The following CCDC85C variants were observed in gnomAD, a reference collection of about 807,000 sequenced individuals.
CCDC85C encodes the protein coiled-coil domain-containing protein 85C.
Under a neutral mutation model 38.3 loss-of-function variants are expected in CCDC85C, and 18 were observed. The observed-to-expected ratio is 0.47, with a 90% confidence interval of 0.33 to 0.70. CCDC85C has a LOEUF of 0.70. CCDC85C is among the 30% of genes least tolerant of loss of function. The probability of loss-of-function intolerance (pLI) is 0.03; values close to 1 mark genes in which losing one functional copy is unlikely to be tolerated. For missense variants in CCDC85C, 566 were observed against 621.2 expected (o/e 0.91, Z 0.94); for synonymous variants, 264 against 293.8 (o/e 0.90, Z 1.04).
rs1381949843 is a variant in CCDC85C at position 99,503,447 on chromosome 14, G to A, written c.*11799C>T. On this transcript the variant is annotated 3_prime_UTR_variant, in exon 6 of 6. Transcript: ENST00000380243. ...GGAAGGGAGCAGAAATGATGATCTGGTAGGTGCCGTGGTTTGCCCTGAAAG... is the reference window on the plus strand; with the variant it reads ...GGAAGGGAGCAGAAATGATGATCTGATAGGTGCCGTGGTTTGCCCTGAAAG... The A allele has an allele frequency of 9.7e-6, 6 of 620,810 alleles. No individual in the cohort carries two copies. Among genetic ancestry groups the A allele is most frequent in the African/African-American group, 1.8e-5 (1 of 54,142 alleles). The allele number at this position is 620,810 out of a possible 1,614,324, so 38.5% of individuals were successfully genotyped here. A position where few individuals can be genotyped will look rare whatever the true frequency, so the allele number is the denominator to read the frequency against.
intron 5 of CCDC85C, among the ~76,000 whole-genome samples, chr14:99,515,820 G>T (rs1331841312): frequency 2.6e-5 from 4 of 152,076 alleles, no homozygotes; most frequent in Non-Finnish European, 4.4e-5. Flanking sequence ...TGCCCAGCCA[G>T]CAGCCACAGG....
chr14:99,532,237 A>C (rs955007656), intron 2 of CCDC85C, among the ~76,000 whole-genome samples: 2 of 152,246 alleles, frequency 1.3e-5, no homozygotes, highest in Non-Finnish European at 2.9e-5. Flanking sequence ...ACCTGTGGGT[A>C]GTCAGGGAGG....
rs978378898 is a variant in CCDC85C at position 99,507,716 on chromosome 14, G to C, written c.*7530C>G. 1 of 154,366 alleles carries C rather than the reference G, an allele frequency of 6.5e-6. No homozygotes were observed. The highest frequency in any genetic ancestry group is 1.4e-5 in the Non-Finnish European group (1 of 69,448). 9.6% of individuals were successfully genotyped at this position (154,366 alleles called of 1,614,324 possible). A position where few individuals can be genotyped will look rare whatever the true frequency, so the allele number is the denominator to read the frequency against. On this transcript the variant is annotated 3_prime_UTR_variant, in exon 6 of 6. Transcript: ENST00000380243. ...AAGCCAAACCCCGCCTTCTGAGATA[G>C]AGGCAGGGTTACTGTGGCTACTAGG...
rs150462439 is a variant in CCDC85C, at chr14:99,547,842, G to A, written c.794-11754C>T. On this transcript the variant is annotated intron_variant, in intron 1 of 5. Transcript: ENST00000380243. ...TATATTTATGGGTATATGTGTGTGT[G>A]TATATACACATATATATATACACAC... is the stretch of plus-strand genomic sequence containing the variant. 5.9e-3 allele frequency among the ~76,000 whole-genome samples: 893 copies of A among 151,184 alleles called. 9 individuals carry two copies. The highest frequency in any genetic ancestry group is 0.021 in the African/African-American group (852 of 41,134).
chr14:99,510,653 G>T lies in CCDC85C; in HGVS notation c.*4593C>A. 7.2e-7 allele frequency: 1 copy of T among 1,393,370 alleles called. No individual in the cohort carries two copies. The highest frequency in any genetic ancestry group is 9.3e-7 in the Non-Finnish European group (1 of 1,073,078). The allele number at this position is 1,393,370 out of a possible 1,614,324, so 86.3% of individuals were successfully genotyped here. Reference sequence around the variant, plus strand: ...TCCCCCCTCATCCTCCTCCAGGGTTGGGCCTGCCGCCAGCCAGCTACCCAC... The same window carrying T: ...TCCCCCCTCATCCTCCTCCAGGGTTTGGCCTGCCGCCAGCCAGCTACCCAC... On this transcript the variant is annotated 3_prime_UTR_variant, in exon 6 of 6. Coordinates refer to ENST00000380243, the MANE Select transcript of CCDC85C (RefSeq NM_001144995.2).
chr14:99,600,306 A>G (rs187200517), intron 1 of CCDC85C, among the ~76,000 whole-genome samples: 6 of 152,340 alleles, frequency 3.9e-5, no homozygotes, highest in Admixed American at 2.0e-4. Context: ...CTTACAGAAG[A>G]GGAGCACAGA....
intron 1 of CCDC85C, among the ~76,000 whole-genome samples, chr14:99,551,123 T>A (rs1227536172): frequency 6.6e-6 from 1 of 152,176 alleles, no homozygotes; most frequent in East Asian, 1.9e-4. Context: ...TGTGACATAA[T>A]GACAAACCAA....
rs769865196 is a variant in CCDC85C, at chr14:99,572,490, C to T, written c.793+30677G>A. ...TAAATGATCAGGTATCACACCTCCGCCAGGCTTTAGATAAAATCCCAACCC... is the reference window on the plus strand; with the variant it reads ...TAAATGATCAGGTATCACACCTCCGTCAGGCTTTAGATAAAATCCCAACCC... On this transcript the variant is annotated intron_variant, in intron 1 of 5. Transcript: ENST00000380243. The surrounding 1 kb of genome is among the most constrained non-coding windows in gnomAD (Gnocchi z 4.4). Among the ~76,000 whole-genome samples, 2 of 152,054 alleles carry T rather than the reference C, an allele frequency of 1.3e-5. No homozygotes were observed. Among genetic ancestry groups the T allele is most frequent in the Non-Finnish European group, 2.9e-5 (2 of 68,006 alleles).
chr14:99,593,192 G>T (rs1595107776), intron 1 of CCDC85C, among the ~76,000 whole-genome samples: 2 of 152,348 alleles, frequency 1.3e-5, no homozygotes, highest in South Asian at 2.1e-4. Context: ...GGGCGGGGGA[G>T]CACCGCGCTC....
intron 1 of CCDC85C, among the ~76,000 whole-genome samples, chr14:99,584,773 C>A (rs923299616): frequency 2.0e-5 from 3 of 152,308 alleles, no homozygotes; most frequent in African/African-American, 7.2e-5. Context: ...GCCCACAGAG[C>A]GGGGGAAAAA....
intron 1 of CCDC85C, among the ~76,000 whole-genome samples, chr14:99,565,711 C>T (rs1898203205): frequency 1.3e-5 from 2 of 152,302 alleles, no homozygotes; most frequent in Middle Eastern, 3.4e-3. Context: ...GCCCCCACCC[C>T]ACCTGCCTAA....
rs1002355041 is a variant in CCDC85C at position 99,501,615 on chromosome 14, G to C, written c.*13631C>G. The C allele has an allele frequency of 7.4e-6, 4 of 539,794 alleles. No homozygotes were observed. Among genetic ancestry groups the C allele is most frequent in the Admixed American group, 3.5e-5 (1 of 28,318 alleles). 33.4% of individuals were successfully genotyped at this position (539,794 alleles called of 1,614,324 possible). A position where few individuals can be genotyped will look rare whatever the true frequency, so the allele number is the denominator to read the frequency against. Reference sequence around the variant, plus strand: ...GTTTCCTTCTGCCCTGCCGTGTCATGGTGTTGTGAGGTGCTGAAATTTTAT... The same window carrying C: ...GTTTCCTTCTGCCCTGCCGTGTCATCGTGTTGTGAGGTGCTGAAATTTTAT... On this transcript the variant is annotated 3_prime_UTR_variant, in exon 6 of 6. Coordinates refer to ENST00000380243, the MANE Select transcript of CCDC85C (RefSeq NM_001144995.2).
At chr14:99,559,290 G>C (rs557998187) in intron 1 of CCDC85C, among the ~76,000 whole-genome samples, 3 of 152,110 alleles carry the variant, frequency 2.0e-5, no homozygotes, top group African/African-American at 4.8e-5. Context: ...AAAAATGTGA[G>C]AGAACAAATT....
Position 99,603,052 on chromosome 14 carries a change from G to A in CCDC85C, c.793+115C>T. 8.2e-7 allele frequency: 1 copy of A among 1,220,434 alleles called. No individual in the cohort carries two copies. 75.6% of individuals were successfully genotyped at this position (1,220,434 alleles called of 1,614,324 possible). A position where few individuals can be genotyped will look rare whatever the true frequency, so the allele number is the denominator to read the frequency against. ...CCCAGGATCCATGACAGCTGGAGGA[G>A]TCTGGAGTGGCGGCCGCATGAGTGG... On this transcript the variant is annotated intron_variant, in intron 1 of 5. Transcript: ENST00000380243. The surrounding 1 kb of genome is among the most constrained non-coding windows in gnomAD (Gnocchi z 7.5).
intron 1 of CCDC85C, among the ~76,000 whole-genome samples, chr14:99,580,633 G>A (rs1023379323): frequency 2.0e-5 from 3 of 152,078 alleles, no homozygotes; most frequent in Non-Finnish European, 2.9e-5. Flanking sequence ...GGGAGGCCAA[G>A]GTGTGTGGCT....
At chr14:99,571,061 A>G (rs2400751) in intron 1 of CCDC85C, among the ~76,000 whole-genome samples, 86,854 of 151,788 alleles carry the variant, frequency 0.57, 24,935 homozygotes, top group African/African-American at 0.62. Flanking sequence ...GCCTGTGCCC[A>G]AGTGACCCCA....
chr14:99,585,125 T>C (rs1474058048), intron 1 of CCDC85C, among the ~76,000 whole-genome samples: 2 of 152,122 alleles, frequency 1.3e-5, no homozygotes, highest in African/African-American at 4.8e-5. Context: ...ACTGCCTCCA[T>C]ACCACACCTG....
At chr14:99,594,646 C>T (rs928117146) in intron 1 of CCDC85C, among the ~76,000 whole-genome samples, 2 of 152,224 alleles carry the variant, frequency 1.3e-5, no homozygotes, top group African/African-American at 4.8e-5. Flanking sequence ...GCCACCCCTT[C>T]CTTGTGGCTC....
At chr14:99,556,382 C>A (rs1427381587) in intron 1 of CCDC85C, among the ~76,000 whole-genome samples, 1 of 152,188 alleles carries the variant, frequency 6.6e-6, no homozygotes, top group African/African-American at 2.4e-5. Context: ...CCACTGCACT[C>A]CAGCCTGAGT....
Sources: gnomAD v4.1 joint callset for allele counts (sites outside exome capture counted in the v4.1 genomes callset) on GRCh38, gnomAD v4.1.1 for gene constraint, Gnocchi (gnomAD v3.1) non-coding constraint, MANE v1.5 for transcripts, NCBI Gene and HGNC (gene_info 2026-07-23, HGNC 2026-07-21) for gene names.